Variants in XRN1 observed in about 807,000 individuals in gnomAD.
XRN1 encodes the protein strand-exchange protein 1 homolog.
XRN1 carries 67 observed loss-of-function variants against 222.3 expected under a neutral mutation model. The ratio of observed to expected loss-of-function variants is 0.30; its 90% CI spans 0.25 to 0.37. The LOEUF is 0.37. Ranked by LOEUF, XRN1 falls within the 10% of genes least tolerant of loss-of-function variation. The pLI is 1.00. For missense variants in XRN1, 1,707 were observed against 2,000.2 expected (o/e 0.85, Z 2.80); for synonymous variants, 643 against 652.4 (o/e 0.99, Z 0.22).
chr3:142,389,542 C>CA (rs2067638655), intron 20 of XRN1, among the ~76,000 whole-genome samples: 2 of 152,164 alleles, frequency 1.3e-5, no homozygotes, highest in African/African-American at 2.4e-5. Flanking sequence ...AGCAGTCACT[C>CA]AGAGTCTCGC....
intron 1 of XRN1, among the ~76,000 whole-genome samples, chr3:142,434,510 CTTTTTT>C (rs371969192): frequency 7.7e-6 from 1 of 130,668 alleles, no homozygotes; most frequent in African/African-American, 2.8e-5. Context: ...TTTTTTTACA[CTTTTTT>C]TTTTTTTTTT....
Position 142,400,317 on chromosome 3 carries a change from T to C in XRN1, c.2207+127A>G, listed in dbSNP as rs113237086. The C allele has an allele frequency of 6.8e-5, 47 of 688,962 alleles. 1 individual carries two copies. In the African/African-American group the frequency reaches 6.9e-4, roughly 10 times the overall value. The allele number at this position is 688,962 out of a possible 1,614,324, so 42.7% of individuals were successfully genotyped here. On this transcript the variant is annotated intron_variant, in intron 19 of 40. Coordinates refer to ENST00000392981, the MANE Select transcript of XRN1 (RefSeq NM_001282857.2). ...TTCAAGTGGTGTCATTAGACGACTT[T>C]CATTTTTGGTACAGAGTGTAAATGT...
intron 20 of XRN1, among the ~76,000 whole-genome samples, chr3:142,386,733 C>T (rs974152326): frequency 3.3e-5 from 5 of 151,976 alleles, no homozygotes; most frequent in South Asian, 4.1e-4. Flanking sequence ...CCAACAAACA[C>T]GAAAGGATGT....
At chr3:142,371,103 T>G in intron 26 of XRN1, 136 bp downstream of exon 26, 1 of 729,308 alleles carries the variant, frequency 1.4e-6, no homozygotes, top group Non-Finnish European at 2.2e-6. Context: ...GCCACTGCAT[T>G]CGGGCAAGAG....
chr3:142,357,217 A>G (rs3816805), intron 30 of XRN1, 98 bp from the exon 31 acceptor site: 590,130 of 1,060,390 alleles, frequency 0.56, 168,548 homozygotes, highest in African/African-American at 0.85. Context: ...CATCATCAGC[A>G]TTAGTAAATA....
chr3:142,403,029 C>A (rs1029729214), intron 18 of XRN1, among the ~76,000 whole-genome samples: 12 of 152,224 alleles, frequency 7.9e-5, no homozygotes, highest in African/African-American at 2.6e-4. Flanking sequence ...TATTATACTG[C>A]CACCAAATTA....
Position 142,359,164 on chromosome 3 carries a change from T to C in XRN1, c.3464+698A>G, listed in dbSNP as rs1284625180. Among the ~76,000 whole-genome samples the C allele has an allele frequency of 2.6e-5, 4 of 152,156 alleles. No homozygotes were observed. In the South Asian group the frequency reaches 8.3e-4, roughly 32 times the overall value. The stretch of plus-strand genomic sequence containing the variant: ...AACTTTAAACTTTCTATTGGCACTT[T>C]CCCCCAAAACACTTGTCTTATCTGT... On this transcript the variant is annotated intron_variant, in intron 30 of 40. Coordinates refer to ENST00000392981, the MANE Select transcript of XRN1 (RefSeq NM_001282857.2).
intron 39 of XRN1, 40 bp downstream of exon 39, chr3:142,318,549 TAAC>T: frequency 4.0e-6 from 6 of 1,496,586 alleles, no homozygotes; most frequent in Non-Finnish European, 5.5e-6. Context: ...TTAGTAAAAA[TAAC>T]AACTCAATGA....
chr3:142,359,765 C>A (rs2066566312), intron 30 of XRN1, 97 bp downstream of exon 30: 1 of 899,338 alleles, frequency 1.1e-6, no homozygotes, highest in Non-Finnish European at 1.7e-6. Context: ...TCTTACACAT[C>A]CCACAAACTG....
At chr3:142,312,323 AT>A (rs527772637) in intron 40 of XRN1, among the ~76,000 whole-genome samples, 1 of 152,134 alleles carries the variant, frequency 6.6e-6, no homozygotes, top group Non-Finnish European at 1.5e-5. Flanking sequence ...ACAATTCTTC[AT>A]AGGTTATTTT....
chr3:142,391,048 T>C (rs1031773405), intron 20 of XRN1, among the ~76,000 whole-genome samples: 3 of 152,278 alleles, frequency 2.0e-5, no homozygotes, highest in African/African-American at 7.2e-5. Context: ...ATTACAATAG[T>C]AACATTAAAA....
intron 37 of XRN1, among the ~76,000 whole-genome samples, chr3:142,328,896 C>T (rs1366589827): frequency 6.7e-6 from 1 of 149,800 alleles, no homozygotes; most frequent in Non-Finnish European, 1.5e-5. Flanking sequence ...GCTGGGACTA[C>T]AGGCTCACAA....
At chr3:142,384,845 T>C (rs190295070) in intron 20 of XRN1, among the ~76,000 whole-genome samples, 160 bp from the exon 21 acceptor site, 14 of 152,336 alleles carry the variant, frequency 9.2e-5, no homozygotes, top group South Asian at 2.1e-4. Context: ...TTGAGACTTT[T>C]TGCATTATTT....
intron 8 of XRN1, 88 bp downstream of exon 8, chr3:142,422,494 T>A: frequency 1.5e-6 from 2 of 1,353,546 alleles, no homozygotes; most frequent in Non-Finnish European, 2.1e-6. Context: ...TTAGCGTGCA[T>A]GCAATAATCT....
chr3:142,343,100 A>T (rs1039361166), intron 33 of XRN1, among the ~76,000 whole-genome samples: 3 of 152,176 alleles, frequency 2.0e-5, no homozygotes, highest in African/African-American at 7.2e-5. Context: ...TAATCTCATT[A>T]AAAAATGAGC....
chr3:142,385,800 T>C (rs1023985837), intron 20 of XRN1, among the ~76,000 whole-genome samples: 1 of 152,082 alleles, frequency 6.6e-6, no homozygotes, highest in African/African-American at 2.4e-5. Flanking sequence ...GCTTTTGTAC[T>C]GCTTACTGAA....
intron 39 of XRN1, among the ~76,000 whole-genome samples, chr3:142,316,413 G>A (rs2065213797): frequency 6.6e-6 from 1 of 151,734 alleles, no homozygotes; most frequent in Non-Finnish European, 1.5e-5. Flanking sequence ...TAGAGATGGG[G>A]TTTTATCATG....
intron 1 of XRN1, among the ~76,000 whole-genome samples, chr3:142,443,167 C>G (rs981423373): frequency 1.3e-5 from 2 of 152,190 alleles, no homozygotes; most frequent in East Asian, 3.8e-4. Context: ...CTGGACCGGC[C>G]TGTTAGCCCA....
At chr3:142,367,704 CCTGT>C (rs1477010866) in intron 27 of XRN1, among the ~76,000 whole-genome samples, 2 of 151,914 alleles carry the variant, frequency 1.3e-5, no homozygotes, top group East Asian at 1.9e-4. Context: ...TGCCACCATG[CCTGT>C]CTAATTTTTT....
Sources: gnomAD v4.1 joint callset for allele counts (sites outside exome capture counted in the v4.1 genomes callset) on GRCh38, gnomAD v4.1.1 for gene constraint, MANE v1.5 for transcripts, NCBI Gene and HGNC (gene_info 2026-07-23, HGNC 2026-07-21) for gene names.